The following ELP1 variants were observed in gnomAD, a reference collection of about 807,000 sequenced individuals.
The protein encoded by ELP1 is elongator complex protein 1.
In ELP1, 131 loss-of-function variants were observed where a neutral mutation model predicts 183.2. That is an observed-to-expected ratio of 0.72 (90% CI 0.62 to 0.83). ELP1 has a LOEUF of 0.83. ELP1 is among the 40% of genes least tolerant of loss of function. ELP1 has a pLI of 0.00. For missense variants in ELP1, 1,550 were observed against 1,594.9 expected (o/e 0.97, Z 0.48); for synonymous variants, 555 against 569.0 (o/e 0.98, Z 0.35).
rs1377908058 is a variant in ELP1, at chr9:108,898,731, T to C, written c.2223A>G (p.Ala741=). 2 of 1,611,408 alleles carry C rather than the reference T, an allele frequency of 1.2e-6. No homozygotes were observed. The highest frequency in any genetic ancestry group is 1.3e-5 in the African/African-American group (1 of 74,900). ...TTCTCAGCTTTCTCATGCATTCAAA[T>C]GCCTCTTTAAACATAAGTCTGTGAG... is the stretch of plus-strand genomic sequence containing the variant. The part of the protein sequence containing the change: ...KWLDKLMFKE[A]FECMRKLRIN... The change falls in exon 21 of 37, where the codon GCA becomes GCG. Residue 741 remains alanine, a synonymous_variant. Transcript: ENST00000374647.
Position 108,878,644 on chromosome 9 carries a change from GCAC to G in ELP1, c.3676_3678del (p.Val1226del), listed in dbSNP as rs1306291143. ...ATACCTTTCAGGTTTTCAGTGTTCT[GCAC>G]CACTTCACTCAGTGCCTCCAGGAGG... On this transcript the variant is annotated inframe_deletion, in exon 34 of 37. Coordinates refer to ENST00000374647, the MANE Select transcript of ELP1 (RefSeq NM_003640.5). 3 of 1,614,164 alleles carry G rather than the reference GCAC, an allele frequency of 1.9e-6. No homozygotes were observed. Among genetic ancestry groups the G allele is most frequent in the Non-Finnish European group, 2.5e-6 (3 of 1,180,024 alleles).
At chr9:108,913,792 G>A (rs780925395) in intron 10 of ELP1, among the ~76,000 whole-genome samples, 14 of 152,146 alleles carry the variant, frequency 9.2e-5, no homozygotes, top group Admixed American at 3.3e-4. Context: ...GACTACAGGC[G>A]CGCACCACCA....
chr9:108,896,283 T>C lies in ELP1; in HGVS notation c.2736+213A>G, dbSNP rs10979598. Among the ~76,000 whole-genome samples, 13,092 of 151,940 alleles carry C rather than the reference T, an allele frequency of 0.086. 650 individuals carry two copies. Among genetic ancestry groups the C allele is most frequent in the East Asian group, 0.16 (823 of 5,152 alleles). On this transcript the variant is annotated intron_variant, in intron 25 of 36. Transcript: ENST00000374647. The stretch of plus-strand genomic sequence containing the variant: ...AAAAAAAAGAAACAAAAAAAAGCCA[T>C]GCAATTTTACTTCACTTCTTCAACC...
rs760080934 is a variant in ELP1 at position 108,931,068 on chromosome 9, GGA to G, written c.77_78del (p.Leu26ProfsTer3). ...QGPGNPQCFS[L>X]RTEQGTVLIG... is the part of the protein sequence containing the mutation. Reference sequence around the variant, plus strand: ...ATGAGCACCGTCCCCTGTTCAGTTCGGAGAGAGAAGCACTGAGGATTCCCTGG... The same window carrying G: ...ATGAGCACCGTCCCCTGTTCAGTTCGGAGAGAAGCACTGAGGATTCCCTGG... On this transcript the variant is annotated frameshift_variant, in exon 2 of 37. Transcript: ENST00000374647. LOFTEE classifies it high-confidence loss of function. 6.2e-7 allele frequency: 1 copy of G among 1,614,002 alleles called. No individual in the cohort carries two copies. Among genetic ancestry groups the G allele is most frequent in the South Asian group, 1.1e-5 (1 of 91,058 alleles).
Position 108,929,881 on chromosome 9 carries a change from G to C in ELP1, c.191C>G (p.Pro64Arg). The change falls in exon 3 of 37, where the codon CCA (proline) becomes CGA (arginine). Residue 64 changes from proline to arginine, a missense_variant. By Grantham distance (103) the Pro-to-Arg change is moderately radical. Coordinates refer to ENST00000374647, the MANE Select transcript of ELP1 (RefSeq NM_003640.5). Reference protein sequence around the residue: ...EVSLVAEGFLPEDGSGRIVGV... With the variant: ...EVSLVAEGFLREDGSGRIVGV... ...AACAATGCGGCCACTTCCATCCTCT[G>C]GGAGAAAGCCTTCTGCCACCAAAGA... The C allele has an allele frequency of 6.2e-7, 1 of 1,613,826 alleles. No homozygotes were observed. Among genetic ancestry groups the C allele is most frequent in the East Asian group, 2.2e-5 (1 of 44,874 alleles).
chr9:108,909,522 G>A (rs1191498536), intron 12 of ELP1, among the ~76,000 whole-genome samples: 1 of 152,184 alleles, frequency 6.6e-6, no homozygotes. Flanking sequence ...ACGGAGCCCT[G>A]ACCTGTTCCA....
chr9:108,893,845 G>A, intron 26 of ELP1, 98 bp downstream of exon 26: 1 of 1,300,312 alleles, frequency 7.7e-7, no homozygotes, highest in East Asian at 2.3e-5. Flanking sequence ...AGTGGGAAGT[G>A]AAATCAGTCA....
intron 36 of ELP1, among the ~76,000 whole-genome samples, chr9:108,870,969 ATTTTTTTTTTTT>A (rs33952302): frequency 1.2e-5 from 1 of 83,566 alleles, no homozygotes; most frequent in Non-Finnish European, 2.2e-5. Flanking sequence ...TTCATGCACC[ATTTTTTTTTTTT>A]TTTTTTTTTT....
chr9:108,900,205 G>C, intron 19 of ELP1, 55 bp downstream of exon 19: 1 of 1,196,430 alleles, frequency 8.4e-7, no homozygotes. Flanking sequence ...AATTATGCTT[G>C]GTACTTGGCT....
At position 108,896,533 on chromosome 9, in the gene ELP1, A is replaced by T; in HGVS notation, c.2699T>A (p.Phe900Tyr). The T allele has an allele frequency of 6.2e-7, 1 of 1,614,144 alleles. No individual in the cohort carries two copies. Among genetic ancestry groups the T allele is most frequent in the Non-Finnish European group, 8.5e-7 (1 of 1,180,000 alleles). ...LYDHSLGTYD[F>Y]DLVLMVAEKS... ...CTCAGCTACCATGAGGACCAAATCA[A>T]AGTCATAGGTGCCAAGAGAATGATC... The change falls in exon 25 of 37, where the codon TTT becomes TAT. Residue 900 changes from phenylalanine (F) to tyrosine (Y), a missense_variant. Phe to Tyr is a conservative substitution (Grantham distance 22). Transcript: ENST00000374647.
rs142031825 is a variant in ELP1, at chr9:108,931,159, C to T, written c.-13G>A. On this transcript the variant is annotated 5_prime_UTR_variant, in exon 2 of 37. Coordinates refer to ENST00000374647, the MANE Select transcript of ELP1 (RefSeq NM_003640.5). ...TCAGATTTCGCATGATGAAGTGATT[C>T]CCACGAGACAAGTACAACTATCCCT... The T allele has an allele frequency of 9.3e-5, 150 of 1,613,038 alleles. No individual in the cohort carries two copies. Among genetic ancestry groups the T allele is most frequent in the Non-Finnish European group, 1.2e-4 (144 of 1,179,176 alleles).
chr9:108,894,776 A>G (rs1191393249), intron 25 of ELP1, among the ~76,000 whole-genome samples: 3 of 152,210 alleles, frequency 2.0e-5, no homozygotes, highest in African/African-American at 7.2e-5. Context: ...ACATAAAATT[A>G]TACTGAGTTG....
At position 108,906,471 on chromosome 9, in the gene ELP1, T is replaced by A; in HGVS notation, c.1475A>T (p.Asn492Ile). 1 of 1,613,616 alleles carries A rather than the reference T, an allele frequency of 6.2e-7. No homozygotes were observed. Among genetic ancestry groups the A allele is most frequent in the Non-Finnish European group, 8.5e-7 (1 of 1,179,528 alleles). ...CGGGTTTACATCTTGATCTTCATTA[T>A]TCTCAAACTGGATTCTATTGTAAAT... ...LEKRYKIQFE[N>I]NEDQDVNPLK... The change falls in exon 14 of 37, where the codon AAT becomes ATT. Residue 492 changes from asparagine (N) to isoleucine (I), a missense_variant. Physicochemically the swap from Asn to Ile is moderately radical, Grantham distance 149. Transcript: ENST00000374647.
rs1772046 is a variant in ELP1, at chr9:108,916,148, T to A, written c.958+56A>T. The stretch of plus-strand genomic sequence containing the variant: ...AGGGATGAAGGAAATCCCATACCTG[T>A]CTACTTTCAACTACGTTTTATGGGG... On this transcript the variant is annotated intron_variant, in intron 10 of 36. Coordinates refer to ENST00000374647, the MANE Select transcript of ELP1 (RefSeq NM_003640.5). 739,567 of 1,275,854 alleles carry A rather than the reference T, an allele frequency of 0.58. 217,007 individuals are homozygous for A. The highest frequency in any genetic ancestry group is 0.68 in the South Asian group (57,631 of 84,302). The allele number at this position is 1,275,854 out of a possible 1,614,324, so 79.0% of individuals were successfully genotyped here.
At chr9:108,887,701 T>C (rs977033639) in intron 29 of ELP1, among the ~76,000 whole-genome samples, 10 of 152,144 alleles carry the variant, frequency 6.6e-5, no homozygotes, top group African/African-American at 1.7e-4. Flanking sequence ...TCTTGGCCCA[T>C]TGAAAAAGTG....
chr9:108,913,631 T>C (rs954132905), intron 10 of ELP1, among the ~76,000 whole-genome samples: 5 of 151,508 alleles, frequency 3.3e-5, no homozygotes, highest in African/African-American at 1.2e-4. Flanking sequence ...TTGTGCAATG[T>C]GTGTGTGTGT....
intron 10 of ELP1, 146 bp from the exon 11 acceptor site, chr9:108,912,640 C>A: frequency 3.0e-6 from 2 of 659,784 alleles, no homozygotes; most frequent in Non-Finnish European, 2.7e-6. Context: ...ATAATAACTG[C>A]CAAAAAATAG....
rs770424247 is a variant in ELP1 at position 108,931,161 on chromosome 9, C to CA, written c.-16dup. On this transcript the variant is annotated 5_prime_UTR_variant, in exon 2 of 37. Transcript: ENST00000374647. ...AGATTTCGCATGATGAAGTGATTCC[C>CA]ACGAGACAAGTACAACTATCCCTTG... 6.2e-7 allele frequency: 1 copy of CA among 1,613,064 alleles called. No individual in the cohort carries two copies. The highest frequency in any genetic ancestry group is 1.7e-5 in the Admixed American group (1 of 60,014).
chr9:108,902,663 T>C (rs944914762), intron 16 of ELP1, among the ~76,000 whole-genome samples, 176 bp downstream of exon 16: 1 of 152,194 alleles, frequency 6.6e-6, no homozygotes, highest in Non-Finnish European at 1.5e-5. Context: ...AGATACTGAT[T>C]TTCCCATTTT....
Sources: allele counts gnomAD v4.1 joint callset (sites outside exome capture counted in the v4.1 genomes callset), GRCh38; gene constraint gnomAD v4.1.1; transcripts MANE v1.5; gene names NCBI Gene and HGNC (gene_info 2026-07-23, HGNC 2026-07-21).